Variants in SLC18A2 observed in about 807,000 individuals in gnomAD.
SLC18A2 encodes solute carrier family 18 member A2.
Under a neutral mutation model 59.2 loss-of-function variants are expected in SLC18A2, and 33 were observed. The ratio of observed to expected loss-of-function variants is 0.56; its 90% CI spans 0.42 to 0.75. The LOEUF is 0.75. Among genes scored for constraint, SLC18A2 ranks in the 30% least tolerant of loss-of-function variants. The pLI is 0.00. For missense variants in SLC18A2, 569 were observed against 668.6 expected (o/e 0.85, Z 1.64); for synonymous variants, 228 against 253.5 (o/e 0.90, Z 0.95).
chr10:117,249,009 C>T (rs767744071), intron 3 of SLC18A2, among the ~76,000 whole-genome samples: 4 of 152,192 alleles, frequency 2.6e-5, no homozygotes, highest in East Asian at 1.9e-4. Flanking sequence ...AACATCTGAA[C>T]GACAAGGAGG....
chr10:117,268,945 CACAT>C (rs1377725959), intron 13 of SLC18A2, among the ~76,000 whole-genome samples: 13 of 151,178 alleles, frequency 8.6e-5, no homozygotes, highest in Admixed American at 2.6e-4. Flanking sequence ...CACATGCACA[CACAT>C]ACATACACAT....
chr10:117,277,627 T>C lies in SLC18A2; in HGVS notation c.*361T>C, dbSNP rs1844519119. On this transcript the variant is annotated 3_prime_UTR_variant, in exon 16 of 16. Coordinates refer to ENST00000644641, the MANE Select transcript of SLC18A2 (RefSeq NM_003054.6). ...AACATTTGGGCAAAAATCATATTGG[T>C]AATGAGTGTTTAAAATTAAAGCACA... 1 of 155,234 alleles carries C rather than the reference T, an allele frequency of 6.4e-6. No individual in the cohort carries two copies. The highest frequency in any genetic ancestry group is 2.4e-5 in the African/African-American group (1 of 41,544). The allele number at this position is 155,234 out of a possible 1,614,324, so 9.6% of individuals were successfully genotyped here. A position where few individuals can be genotyped will look rare whatever the true frequency, so the allele number is the denominator to read the frequency against.
At chr10:117,250,217 C>A (rs191637100) in intron 3 of SLC18A2, among the ~76,000 whole-genome samples, 2 of 152,132 alleles carry the variant, frequency 1.3e-5, no homozygotes, top group African/African-American at 2.4e-5. Context: ...TGATGCCCAG[C>A]GCTTACCACT....
In SLC18A2 at chr10:117,269,269, A is replaced by G. The variant is rs1261350184; in HGVS notation, c.1187-802A>G. Among the ~76,000 whole-genome samples, 1 of 152,144 alleles carries G rather than the reference A, an allele frequency of 6.6e-6. No homozygotes were observed. Among genetic ancestry groups the G allele is most frequent in the Non-Finnish European group, 1.5e-5 (1 of 68,038 alleles). ...AACACATATACACAGACACATACACATGCAAACACATGTACACACATATAT... is the reference window on the plus strand; with the variant it reads ...AACACATATACACAGACACATACACGTGCAAACACATGTACACACATATAT... On this transcript the variant is annotated intron_variant, in intron 13 of 15. Transcript: ENST00000644641. This position sits in a 1 kb window ranked among gnomAD's most constrained non-coding sequence, Gnocchi z 5.1.
Position 117,249,044 on chromosome 10 carries a change from C to T in SLC18A2, c.465-4355C>T, listed in dbSNP as rs566900919. On this transcript the variant is annotated intron_variant, in intron 3 of 15. Coordinates refer to ENST00000644641, the MANE Select transcript of SLC18A2 (RefSeq NM_003054.6). ...GAAGCCACAGGGCATGAAATCTCTA[C>T]GAAATCTACCATGGTTTTATTTTAT... Among the ~76,000 whole-genome samples the T allele has an allele frequency of 7.9e-5, 12 of 152,332 alleles. No individual in the cohort carries two copies. The South Asian group carries it at 1.4e-3, about 18-fold the overall frequency.
At chr10:117,255,764 T>C in intron 9 of SLC18A2, 107 bp downstream of exon 9, 1 of 943,898 alleles carries the variant, frequency 1.1e-6, no homozygotes, top group Non-Finnish European at 1.6e-6. Flanking sequence ...GCTAGAAATG[T>C]TGGGCTATAT....
intron 3 of SLC18A2, among the ~76,000 whole-genome samples, chr10:117,251,946 A>G (rs947043158): frequency 6.6e-6 from 1 of 151,712 alleles, no homozygotes; most frequent in Non-Finnish European, 1.5e-5. Context: ...TGAAGGCGCT[A>G]TGATTATTTT....
At chr10:117,243,206 A>G (rs1381783461) in intron 2 of SLC18A2, among the ~76,000 whole-genome samples, 1 of 152,222 alleles carries the variant, frequency 6.6e-6, no homozygotes, top group Non-Finnish European at 1.5e-5. Flanking sequence ...AATGAAGTGT[A>G]GTTTTCTGTT....
intron 13 of SLC18A2, among the ~76,000 whole-genome samples, chr10:117,268,919 AAAAG>A (rs1451678335): frequency 2.0e-5 from 3 of 148,562 alleles, no homozygotes; most frequent in Non-Finnish European, 3.0e-5. Context: ...TGTGTGAACT[AAAAG>A]AAGCTAAAAC....
Position 117,241,768 on chromosome 10 carries a change from C to T in SLC18A2, c.75C>T (p.Ile25=), listed in dbSNP as rs766986252. Residue 25 remains isoleucine (I), a synonymous_variant, in exon 2 of 16, where the codon ATC becomes ATT. Transcript: ENST00000644641. ...GCTCGCGGAAGCTCATCCTGTTCAT[C>T]GTGTTCCTGGCGCTGCTGCTGGACA... ...SRRSRKLILF[I]VFLALLLDNM... is the part of the protein sequence containing the mutation. 5 of 1,611,322 alleles carry T rather than the reference C, an allele frequency of 3.1e-6. No individual in the cohort carries two copies. Among genetic ancestry groups the T allele is most frequent in the Non-Finnish European group, 3.4e-6 (4 of 1,179,182 alleles).
rs945981909 is a variant in SLC18A2, at chr10:117,278,261, C to T, written c.*995C>T. The T allele has an allele frequency of 6.6e-6, 1 of 152,152 alleles. No individual in the cohort carries two copies. The highest frequency in any genetic ancestry group is 1.9e-4 in the East Asian group (1 of 5,190). The allele number at this position is 152,152 out of a possible 1,614,324, so 9.4% of individuals were successfully genotyped here. A position where few individuals can be genotyped will look rare whatever the true frequency, so the allele number is the denominator to read the frequency against. ...ATTTATTTTAGGTTGTCTGAAACTA[C>T]TATTTTTTAGACTCCTGAAAGTTGT... On this transcript the variant is annotated 3_prime_UTR_variant, in exon 16 of 16. Transcript: ENST00000644641.
At chr10:117,265,801 G>T (rs576423016) in intron 10 of SLC18A2, among the ~76,000 whole-genome samples, 1 of 152,256 alleles carries the variant, frequency 6.6e-6, no homozygotes, top group Admixed American at 6.5e-5. Flanking sequence ...ATAAAACTTG[G>T]ATAGGAGGCC....
chr10:117,263,918 G>A (rs1418126185), intron 10 of SLC18A2, among the ~76,000 whole-genome samples: 1 of 152,200 alleles, frequency 6.6e-6, no homozygotes, highest in Non-Finnish European at 1.5e-5. Flanking sequence ...TGGGGTGCGA[G>A]GACTTAGGAT....
In SLC18A2 at chr10:117,260,894, G is replaced by A. The variant is rs368001492; in HGVS notation, c.991+3002G>A. 7.4e-4 allele frequency among the ~76,000 whole-genome samples: 113 copies of A among 152,312 alleles called. 4 individuals are homozygous for A. The South Asian group carries it at 0.022, about 29-fold the overall frequency. ...AGAAAGCACATCTGGACTTTCTGCT[G>A]TTGTAGGAGAGTGTCCTTGTACGTA... On this transcript the variant is annotated intron_variant, in intron 10 of 15. Coordinates refer to ENST00000644641, the MANE Select transcript of SLC18A2 (RefSeq NM_003054.6).
chr10:117,278,091 GGTT>G lies in SLC18A2; in HGVS notation c.*829_*831del, dbSNP rs1360328822. On this transcript the variant is annotated 3_prime_UTR_variant, in exon 16 of 16. Transcript: ENST00000644641. ...GGGTACATGTACCTTATACTGTCAA[GGTT>G]GTTTAAACATGATAAGGTTAATCGC... 6.6e-6 allele frequency: 1 copy of G among 152,136 alleles called. No homozygotes were observed. The highest frequency in any genetic ancestry group is 2.4e-5 in the African/African-American group (1 of 41,428). 9.4% of individuals were successfully genotyped at this position (152,136 alleles called of 1,614,324 possible).
At chr10:117,260,181 G>A (rs921118672) in intron 10 of SLC18A2, among the ~76,000 whole-genome samples, 7 of 152,138 alleles carry the variant, frequency 4.6e-5, no homozygotes, top group Non-Finnish European at 7.3e-5. Flanking sequence ...GTGTTGCCCC[G>A]GTTGCCATTC....
chr10:117,266,668 T>C (rs1844352098), intron 10 of SLC18A2, 65 bp from the exon 11 acceptor site: 2 of 1,236,810 alleles, frequency 1.6e-6, no homozygotes, highest in South Asian at 2.5e-5. Context: ...TGTCTACAGT[T>C]ATTACTTTTT....
chr10:117,264,511 A>T (rs573480166), intron 10 of SLC18A2, among the ~76,000 whole-genome samples: 5 of 152,282 alleles, frequency 3.3e-5, no homozygotes, highest in Admixed American at 6.5e-5. Flanking sequence ...AACAAACAGG[A>T]TCTTCCAATA....
At chr10:117,266,558 A>G (rs369515362) in intron 10 of SLC18A2, among the ~76,000 whole-genome samples, 175 bp from the exon 11 acceptor site, 30 of 152,358 alleles carry the variant, frequency 2.0e-4, no homozygotes, top group African/African-American at 7.2e-4. Context: ...TGTGGAGGAT[A>G]AGCCACGTGG....
Sources: gnomAD v4.1 joint callset for allele counts (sites outside exome capture counted in the v4.1 genomes callset) on GRCh38, gnomAD v4.1.1 for gene constraint, Gnocchi (gnomAD v3.1) non-coding constraint, MANE v1.5 for transcripts, NCBI Gene and HGNC (gene_info 2026-07-23, HGNC 2026-07-21) for gene names.